PAXIP1: variants seen among roughly 807,000 people sequenced by gnomAD.
PAXIP1 encodes PAX interacting protein 1, also known as PAX-interacting protein 1.
Under a neutral mutation model 140.6 loss-of-function variants are expected in PAXIP1, and 19 were observed. The ratio of observed to expected loss-of-function variants is 0.14; its 90% CI spans 0.09 to 0.20. The LOEUF (loss-of-function observed/expected upper bound fraction) is 0.20. Ranked by LOEUF, PAXIP1 falls within the 10% of genes least tolerant of loss-of-function variation. PAXIP1 has a pLI of 1.00. For synonymous variants in PAXIP1, 442 were observed against 444.6 expected, an observed-to-expected ratio of 0.99 and a Z score of 0.07; for missense variants, 920 against 1,208.6, an observed-to-expected ratio of 0.76 and a Z score of 3.54.
intron 3 of PAXIP1, among the ~76,000 whole-genome samples, chr7:154,992,561 C>T (rs1810390398): frequency 6.6e-6 from 1 of 151,146 alleles, no homozygotes; most frequent in Admixed American, 6.6e-5. Flanking sequence ...TGCCACTGGA[C>T]TCCAGCCTGG....
intron 12 of PAXIP1, among the ~76,000 whole-genome samples, 194 bp downstream of exon 12, chr7:154,960,699 A>C (rs1808719704): frequency 6.6e-6 from 1 of 152,134 alleles, no homozygotes; most frequent in Non-Finnish European, 1.5e-5. Flanking sequence ...AAACAAAAAC[A>C]AAAACCAACC....
Position 154,986,041 on chromosome 7 carries a change from A to G in PAXIP1, c.325-2709T>C, listed in dbSNP as rs765199061. 2.2e-6 allele frequency: 3 copies of G among 1,365,696 alleles called. No individual in the cohort carries two copies. The highest frequency in any genetic ancestry group is 2.9e-6 in the Non-Finnish European group (3 of 1,021,558). The allele number at this position is 1,365,696 out of a possible 1,614,324, so 84.6% of individuals were successfully genotyped here. ...CCCAGCACATTACAACAGAGGCCTCAGCCTGCATCAATACCGGGTCAGAAG... is the reference window on the plus strand; with the variant it reads ...CCCAGCACATTACAACAGAGGCCTCGGCCTGCATCAATACCGGGTCAGAAG... On this transcript the variant is annotated intron_variant, in intron 4 of 20. Transcript: ENST00000404141. The surrounding 1 kb of genome is among the most constrained non-coding windows in gnomAD (Gnocchi z 4.8).
Position 154,976,120 on chromosome 7 carries a change from T to G in PAXIP1, c.650A>C (p.Lys217Thr). Residue 217 changes from lysine to threonine, a missense_variant, in exon 6 of 21, where the codon AAG (lysine) becomes ACG (threonine). Physicochemically the swap from Lys to Thr is moderately conservative, Grantham distance 78. Transcript: ENST00000404141. The part of the protein sequence containing the change: ...DSQNEGSTDE[K>T]SSPASSQEGS... ...TTCTTGAGAGCTGGCAGGGCTTGAC[T>G]TCTCATCTGTACTACCCTCATTCTG... 7.6e-6 allele frequency: 12 copies of G among 1,570,712 alleles called. No homozygotes were observed. The highest frequency in any genetic ancestry group is 1.0e-5 in the Non-Finnish European group (12 of 1,156,368).
Position 154,983,189 on chromosome 7 carries a change from C to T in PAXIP1, c.438+30G>A, listed in dbSNP as rs764538163. ...TTACTAGAAATTCTTAAATGACATACAAAAAGAAGGTGGCACAAGAAACGC... is the reference window on the plus strand; with the variant it reads ...TTACTAGAAATTCTTAAATGACATATAAAAAGAAGGTGGCACAAGAAACGC... On this transcript the variant is annotated intron_variant, in intron 5 of 20. Transcript: ENST00000404141. The T allele has an allele frequency of 4.4e-6, 5 of 1,133,338 alleles. No homozygotes were observed. The African/African-American group carries it at 6.3e-5, about 14-fold the overall frequency. 70.2% of individuals were successfully genotyped at this position (1,133,338 alleles called of 1,614,324 possible).
At chr7:154,978,220 T>C (rs1809690091) in intron 5 of PAXIP1, among the ~76,000 whole-genome samples, 1 of 152,268 alleles carries the variant, frequency 6.6e-6, no homozygotes, top group East Asian at 1.9e-4. Context: ...TCCTCTTCGG[T>C]TGCACAGCTG....
Position 154,963,576 on chromosome 7 carries a change from A to G in PAXIP1, c.1989+95T>C. 5 of 812,178 alleles carry G rather than the reference A, an allele frequency of 6.2e-6. No individual in the cohort carries two copies. Among genetic ancestry groups the G allele is most frequent in the Non-Finnish European group, 1.0e-5 (5 of 492,606 alleles). 50.3% of individuals were successfully genotyped at this position (812,178 alleles called of 1,614,324 possible). A position where few individuals can be genotyped will look rare whatever the true frequency, so the allele number is the denominator to read the frequency against. ...TTTCCTATCTTTAGAGGTAGAAAAA[A>G]GTTCTTTCCAAAAATAATAATCACT... is the stretch of plus-strand genomic sequence containing the variant. On this transcript the variant is annotated intron_variant, in intron 9 of 20. Transcript: ENST00000404141. The surrounding 1 kb of genome is among the most constrained non-coding windows in gnomAD (Gnocchi z 4.1).
intron 4 of PAXIP1, among the ~76,000 whole-genome samples, chr7:154,988,093 TTGGTTTCCC>T (rs1810156757): frequency 1.3e-5 from 2 of 152,368 alleles, no homozygotes; most frequent in Admixed American, 1.3e-4. Context: ...CTCATATACC[TTGGTTTCCC>T]ATCGTCTCTA....
intron 5 of PAXIP1, 84 bp from the exon 6 acceptor site, chr7:154,976,415 A>C: frequency 1.3e-6 from 2 of 1,497,342 alleles, no homozygotes; most frequent in Non-Finnish European, 1.8e-6. Flanking sequence ...GAAAAAACTC[A>C]GTCAAGGAAT....
rs373611065 is a variant in PAXIP1 at position 154,960,675 on chromosome 7, CAAAACAAAAACA to C, written c.2434+206_2434+217del. On this transcript the variant is annotated intron_variant, in intron 12 of 20. Coordinates refer to ENST00000404141, the MANE Select transcript of PAXIP1 (RefSeq NM_007349.4). Reference sequence around the variant, plus strand: ...TGGGTGACAAAGCGAGACCCTGTCTCAAAACAAAAACAAAAACAAAAACAAAAACCAACCAAC... The same window carrying C: ...TGGGTGACAAAGCGAGACCCTGTCTCAAAACAAAAACAAAAACCAACCAAC... Among the ~76,000 whole-genome samples, 406 of 151,758 alleles carry C rather than the reference CAAAACAAAAACA, an allele frequency of 2.7e-3. 1 individual carries two copies. Among genetic ancestry groups the C allele is most frequent in the African/African-American group, 8.9e-3 (367 of 41,266 alleles).
Position 154,946,835 on chromosome 7 carries a change from T to G in PAXIP1, c.2923-22A>C. 1 of 1,491,470 alleles carries G rather than the reference T, an allele frequency of 6.7e-7. No homozygotes were observed. The highest frequency in any genetic ancestry group is 1.2e-5 in the South Asian group (1 of 81,996). The allele number at this position is 1,491,470 out of a possible 1,614,324, so 92.4% of individuals were successfully genotyped here. On this transcript the variant is annotated intron_variant, in intron 17 of 20. Transcript: ENST00000404141. This position sits in a 1 kb window ranked among gnomAD's most constrained non-coding sequence, Gnocchi z 4.9. ...TTGCCTAAAATTAAATGAAAATATA[T>G]GTATTATGTTCTTAAAATGCTTTAA...
rs1274134699 is a variant in PAXIP1 at position 154,946,085 on chromosome 7, CTAAT to C, written c.3194+276_3194+279del. On this transcript the variant is annotated intron_variant, in intron 20 of 20. Coordinates refer to ENST00000404141, the MANE Select transcript of PAXIP1 (RefSeq NM_007349.4). The surrounding 1 kb of genome is among the most constrained non-coding windows in gnomAD (Gnocchi z 4.9). ...TTTTTGCAATTATTTTCTATTTTAT[CTAAT>C]TGTCAAATTCTTTAATACCTCCATA... The C allele has an allele frequency of 1.0e-6, 1 of 974,850 alleles. No homozygotes were observed. The highest frequency in any genetic ancestry group is 1.2e-6 in the Non-Finnish European group (1 of 820,506). 60.4% of individuals were successfully genotyped at this position (974,850 alleles called of 1,614,324 possible). A position where few individuals can be genotyped will look rare whatever the true frequency, so the allele number is the denominator to read the frequency against.
chr7:154,975,519 C>CAT (rs2150765701), intron 6 of PAXIP1, among the ~76,000 whole-genome samples, 177 bp downstream of exon 6: 1 of 41,374 alleles, frequency 2.4e-5, no homozygotes, highest in African/African-American at 8.5e-5. Context: ...TACATATATA[C>CAT]ACATACACAC....
chr7:154,965,699 C>T (rs1808980433), intron 8 of PAXIP1: 1 of 152,230 alleles, frequency 6.6e-6, no homozygotes, highest in Admixed American at 6.5e-5. Flanking sequence ...TTTTCTTTAG[C>T]TTACTTTATT....
chr7:154,992,516 A>G (rs1810386913), intron 3 of PAXIP1, among the ~76,000 whole-genome samples: 1 of 151,324 alleles, frequency 6.6e-6, no homozygotes, highest in African/African-American at 2.4e-5. Context: ...AATCGCTTGA[A>G]CCCAGGAGGC....
intron 5 of PAXIP1, 148 bp from the exon 6 acceptor site, chr7:154,976,479 G>C (rs965671776): frequency 8.7e-7 from 1 of 1,145,436 alleles, no homozygotes; most frequent in Non-Finnish European, 1.2e-6. Flanking sequence ...AGCAACGTTT[G>C]ATCTTTTAGA....
At chr7:154,996,783 C>T (rs958042106) in intron 2 of PAXIP1, among the ~76,000 whole-genome samples, 1 of 152,092 alleles carries the variant, frequency 6.6e-6, no homozygotes, top group African/African-American at 2.4e-5. Flanking sequence ...TAAAGGTTGG[C>T]TTACGTATCG....
At chr7:154,950,276 C>T (rs905381135) in intron 16 of PAXIP1, 1 of 151,366 alleles carries the variant, frequency 6.6e-6, no homozygotes, top group African/African-American at 2.5e-5. Flanking sequence ...TTAAAAAAAA[C>T]TGACCCAAAA....
intron 6 of PAXIP1, chr7:154,974,140 T>C (rs1431383103): frequency 6.6e-6 from 1 of 152,312 alleles, no homozygotes; most frequent in Non-Finnish European, 1.5e-5. Flanking sequence ...AAAAGAAACT[T>C]AGGTTCTTCA....
intron 6 of PAXIP1, among the ~76,000 whole-genome samples, chr7:154,972,159 A>C (rs891383679): frequency 6.6e-6 from 1 of 152,236 alleles, no homozygotes; most frequent in Non-Finnish European, 1.5e-5. Flanking sequence ...AACTTAAGGA[A>C]CTTTATATTT....
Sources: gnomAD v4.1 joint callset for allele counts (sites outside exome capture counted in the v4.1 genomes callset) on GRCh38, gnomAD v4.1.1 for gene constraint, Gnocchi (gnomAD v3.1) non-coding constraint, MANE v1.5 for transcripts, NCBI Gene and HGNC (gene_info 2026-07-23, HGNC 2026-07-21) for gene names.